Variants in VPS4B observed in about 807,000 individuals in gnomAD.
The protein encoded by VPS4B is vacuolar protein sorting-associated protein 4B.
A neutral mutation model predicts 56.1 loss-of-function variants in VPS4B; 23 were observed. The observed-to-expected ratio is 0.41, with a 90% confidence interval of 0.30 to 0.58. The LOEUF (loss-of-function observed/expected upper bound fraction) is 0.58, where lower values mean the gene tolerates loss of function less well. Ranked by LOEUF, VPS4B falls within the 20% of genes least tolerant of loss-of-function variation. The pLI is 0.29. For missense variants in VPS4B, 372 were observed against 531.9 expected, an observed-to-expected ratio of 0.70 and a Z score of 2.96; for synonymous variants, 177 against 186.0, an observed-to-expected ratio of 0.95 and a Z score of 0.39.
chr18:63,397,110 GC>G lies in VPS4B; in HGVS notation c.1015del (p.Ala339GlnfsTer3). ...ATCACGTACAATGATACTTATATCTGCCCCTGAATAACCATCTGTTTTCCTC... is the reference window on the plus strand; with the variant it reads ...ATCACGTACAATGATACTTATATCTGCCCTGAATAACCATCTGTTTTCCTC... ...LGRKTDGYSG[A>X]DISIIVRDAL... On this transcript the variant is annotated frameshift_variant, in exon 9 of 11. Coordinates refer to ENST00000238497, the MANE Select transcript of VPS4B (RefSeq NM_004869.4). LOFTEE classifies it high-confidence loss of function. 2 of 1,614,020 alleles carry G rather than the reference GC, an allele frequency of 1.2e-6. No individual in the cohort carries two copies. The highest frequency in any genetic ancestry group is 1.7e-6 in the Non-Finnish European group (2 of 1,180,016).
intron 1 of VPS4B, among the ~76,000 whole-genome samples, chr18:63,421,929 C>G (rs1916311476): frequency 6.6e-6 from 1 of 152,232 alleles, no homozygotes; most frequent in Admixed American, 6.5e-5. Flanking sequence ...TACGTTCTTT[C>G]TTTCTCCGTT....
At chr18:63,417,591 TC>T (rs555167067) in intron 1 of VPS4B, among the ~76,000 whole-genome samples, 8 of 151,994 alleles carry the variant, frequency 5.3e-5, no homozygotes, top group Admixed American at 3.3e-4. Context: ...CTCTGTTTCC[TC>T]CCCCCCTACA....
At chr18:63,393,749 T>C (rs1915607853) in intron 9 of VPS4B, among the ~76,000 whole-genome samples, 200 bp from the exon 10 acceptor site, 1 of 152,168 alleles carries the variant, frequency 6.6e-6, no homozygotes, top group South Asian at 2.1e-4. Context: ...CTTTTAGTTT[T>C]TTTTTTGAAA....
Position 63,390,954 on chromosome 18 carries a change from A to G in VPS4B, c.*21T>C. 1 of 1,473,060 alleles carries G rather than the reference A, an allele frequency of 6.8e-7. No homozygotes were observed. Among genetic ancestry groups the G allele is most frequent in the Non-Finnish European group, 9.5e-7 (1 of 1,055,040 alleles). The allele number at this position is 1,473,060 out of a possible 1,614,324, so 91.2% of individuals were successfully genotyped here. A position where few individuals can be genotyped will look rare whatever the true frequency, so the allele number is the denominator to read the frequency against. ...TATGAAAGAAAGAATACATATGGTA[A>G]GCATCTTCCTTGTCTTTGGCTTAGC... On this transcript the variant is annotated 3_prime_UTR_variant, in exon 11 of 11. Transcript: ENST00000238497.
At chr18:63,392,853 T>G (rs900719455) in intron 10 of VPS4B, among the ~76,000 whole-genome samples, 1 of 151,952 alleles carries the variant, frequency 6.6e-6, no homozygotes, top group Admixed American at 6.6e-5. Flanking sequence ...CTGGTTCACG[T>G]GATTCTCCTG....
intron 1 of VPS4B, among the ~76,000 whole-genome samples, chr18:63,413,827 G>A (rs570000504): frequency 6.6e-6 from 1 of 152,308 alleles, no homozygotes; most frequent in South Asian, 2.1e-4. Flanking sequence ...GTAAATGGGA[G>A]GAACAGGTCT....
At chr18:63,408,922 G>A (rs1915974956) in intron 3 of VPS4B, among the ~76,000 whole-genome samples, 1 of 152,212 alleles carries the variant, frequency 6.6e-6, no homozygotes, top group African/African-American at 2.4e-5. Context: ...CAAGGGAAGA[G>A]AAGCTTCTGC....
In VPS4B at chr18:63,393,433, T is replaced by C; in HGVS notation, c.1209A>G (p.Lys403=). The C allele has an allele frequency of 6.2e-7, 1 of 1,604,044 alleles. No individual in the cohort carries two copies. The highest frequency in any genetic ancestry group is 2.2e-5 in the East Asian group (1 of 44,560). The change falls in exon 10 of 11, where the codon AAA becomes AAG. Residue 403 remains lysine (K), a synonymous_variant. Coordinates refer to ENST00000238497, the MANE Select transcript of VPS4B (RefSeq NM_004869.4). Reference sequence around the variant, plus strand: ...CCATGGAAACAACTGGCTCCAAAAGTTTATCTCCAGGGACATCCATCCATG... The same window carrying C: ...CCATGGAAACAACTGGCTCCAAAAGCTTATCTCCAGGGACATCCATCCATG... ...EMTWMDVPGD[K]LLEPVVSMSD... is the part of the protein sequence containing the mutation.
chr18:63,405,836 C>T (rs1402978599), intron 4 of VPS4B, among the ~76,000 whole-genome samples: 1 of 150,344 alleles, frequency 6.7e-6, no homozygotes, highest in African/African-American at 2.5e-5. Flanking sequence ...AAAAAAAAAA[C>T]TTAGCCGGGC....
At position 63,403,838 on chromosome 18, in the gene VPS4B, T is replaced by A. The variant is rs1226722961; in HGVS notation, c.365-12A>T. ...TATAACAATGGCACCTGCAAAAAAT[T>A]ACGTTATCTTTAAATTAAGAAAGAC... On this transcript the variant is annotated splice_polypyrimidine_tract_variant and intron_variant, in intron 4 of 10. Transcript: ENST00000238497. 12 of 1,593,892 alleles carry A rather than the reference T, an allele frequency of 7.5e-6. No individual in the cohort carries two copies. The highest frequency in any genetic ancestry group is 6.8e-6 in the Non-Finnish European group (8 of 1,172,010).
At chr18:63,409,394 C>T (rs537073714) in intron 3 of VPS4B, among the ~76,000 whole-genome samples, 9 of 152,142 alleles carry the variant, frequency 5.9e-5, no homozygotes, top group African/African-American at 9.7e-5. Flanking sequence ...AAATAACCTG[C>T]GCCACTGCAT....
At chr18:63,405,356 A>G (rs1915893165) in intron 4 of VPS4B, among the ~76,000 whole-genome samples, 1 of 152,218 alleles carries the variant, frequency 6.6e-6, no homozygotes, top group Non-Finnish European at 1.5e-5. Context: ...TTTAACAAAT[A>G]TACACTTAAT....
intron 1 of VPS4B, 79 bp from the exon 2 acceptor site, chr18:63,411,657 T>C: frequency 9.8e-7 from 1 of 1,025,102 alleles, no homozygotes; most frequent in Non-Finnish European, 1.3e-6. Context: ...TACTGAAAGT[T>C]TTTTTTTTTT....
At chr18:63,413,707 T>C (rs1216816107) in intron 1 of VPS4B, among the ~76,000 whole-genome samples, 2 of 152,078 alleles carry the variant, frequency 1.3e-5, no homozygotes, top group Non-Finnish European at 2.9e-5. Flanking sequence ...AAAAAGTAAG[T>C]ATATAACATA....
intron 1 of VPS4B, among the ~76,000 whole-genome samples, chr18:63,421,606 A>G (rs1916303593): frequency 6.6e-6 from 1 of 152,260 alleles, no homozygotes. Context: ...CTAAAATCTT[A>G]AGATTCCATG....
chr18:63,405,590 T>A (rs540130108), intron 4 of VPS4B, among the ~76,000 whole-genome samples: 66 of 152,142 alleles, frequency 4.3e-4, no homozygotes, highest in Non-Finnish European at 7.6e-4. Flanking sequence ...GTTTTTTTTC[T>A]CTTTTATTTG....
In VPS4B at chr18:63,403,643, T is replaced by C. The variant is rs1915858153; in HGVS notation, c.484+64A>G. The C allele has an allele frequency of 1.1e-5, 17 of 1,480,768 alleles. 1 individual carries two copies. The South Asian group carries it at 2.2e-4, about 19-fold the overall frequency. The allele number at this position is 1,480,768 out of a possible 1,614,324, so 91.7% of individuals were successfully genotyped here. A position where few individuals can be genotyped will look rare whatever the true frequency, so the allele number is the denominator to read the frequency against. ...CATTAGTGACAAGAATGACAATGCT[T>C]CACCTCAGTCATCAATGAACTTTTA... On this transcript the variant is annotated intron_variant, in intron 5 of 10. Transcript: ENST00000238497.
chr18:63,394,408 T>G (rs1291806808), intron 9 of VPS4B, among the ~76,000 whole-genome samples: 1 of 152,228 alleles, frequency 6.6e-6, no homozygotes, highest in Non-Finnish European at 1.5e-5. Context: ...AAAGAATCTT[T>G]GTGACATAGT....
Position 63,411,496 on chromosome 18 carries a change from G to A in VPS4B, c.110C>T (p.Ala37Val). 1 of 1,597,522 alleles carries A rather than the reference G, an allele frequency of 6.3e-7. No homozygotes were observed. The highest frequency in any genetic ancestry group is 8.5e-7 in the Non-Finnish European group (1 of 1,171,642). ...YEEALQLYQH[A>V]VQYFLHVVKY... ...AACGACATGAAGAAAATACTGCACA[G>A]CATGCTGATAGAGCTGAAGGGCTTC... is the stretch of plus-strand genomic sequence containing the variant. Residue 37 changes from alanine to valine, a missense_variant, in exon 2 of 11, where the codon GCT becomes GTT. Around this residue, in one of 3 missense-constraint regions of VPS4B, gnomAD observed 153 missense variants for 190.3 expected, o/e 0.80. Transcript: ENST00000238497.
Sources: gnomAD v4.1 joint callset for allele counts (sites outside exome capture counted in the v4.1 genomes callset) on GRCh38, gnomAD v4.1.1 for gene constraint, gnomAD v4.1.1 regional missense constraint, MANE v1.5 for transcripts, NCBI Gene and HGNC (gene_info 2026-07-23, HGNC 2026-07-21) for gene names.